CCDC192: variants seen among roughly 807,000 people sequenced by gnomAD.
The protein encoded by CCDC192 is coiled-coil domain-containing protein 192.
intron 2 of CCDC192, among the ~76,000 whole-genome samples, chr5:127,754,041 G>T (rs145049987): frequency 6.6e-6 from 1 of 152,256 alleles, no homozygotes; most frequent in East Asian, 1.9e-4. Flanking sequence ...GCTGTTCATT[G>T]TCATCATTTA....
intron 2 of CCDC192, among the ~76,000 whole-genome samples, chr5:127,750,900 G>T (rs1754116338): frequency 1.3e-5 from 2 of 150,280 alleles, no homozygotes; most frequent in African/African-American, 4.9e-5. Flanking sequence ...ATCTTTGTTG[G>T]TTTAAAGTCT....
At chr5:127,880,391 G>C (rs1451856875) in intron 6 of CCDC192, among the ~76,000 whole-genome samples, 8 of 142,808 alleles carry the variant, frequency 5.6e-5, no homozygotes, top group African/African-American at 2.1e-4. Context: ...TCATAGGTGG[G>C]AATTGAACAA....
At chr5:127,708,589 A>G (rs913147805) in intron 2 of CCDC192, among the ~76,000 whole-genome samples, 1 of 152,202 alleles carries the variant, frequency 6.6e-6, no homozygotes, top group African/African-American at 2.4e-5. Context: ...CTAAGAATCA[A>G]GACTTGGGAT....
At chr5:127,863,070 G>C (rs1561528862) in intron 5 of CCDC192, among the ~76,000 whole-genome samples, 1 of 152,104 alleles carries the variant, frequency 6.6e-6, no homozygotes, top group Non-Finnish European at 1.5e-5. Flanking sequence ...CCCACTTTAA[G>C]GCCTATGTGC....
Position 127,763,659 on chromosome 5 carries a change from C to A in CCDC192, c.222+9284C>A, listed in dbSNP as rs540636742. Among the ~76,000 whole-genome samples the A allele has an allele frequency of 3.3e-5, 5 of 152,302 alleles. No individual in the cohort carries two copies. The East Asian group carries it at 7.7e-4, about 23-fold the overall frequency. Reference sequence around the variant, plus strand: ...TCCGACCACCTGCTTGTTTCTCCAGCTTTACCTTACACCACTCCCTGTATA... The same window carrying A: ...TCCGACCACCTGCTTGTTTCTCCAGATTTACCTTACACCACTCCCTGTATA... On this transcript the variant is annotated intron_variant, in intron 3 of 6. Coordinates refer to ENST00000514853, the MANE Select transcript of CCDC192 (RefSeq NM_001317938.2).
At chr5:127,768,845 C>T (rs548341345) in intron 3 of CCDC192, among the ~76,000 whole-genome samples, 1 of 152,242 alleles carries the variant, frequency 6.6e-6, no homozygotes, top group Non-Finnish European at 1.5e-5. Flanking sequence ...AGATATAGGG[C>T]TTCCTGCCCA....
At chr5:127,725,449 A>G (rs1227863097) in intron 2 of CCDC192, among the ~76,000 whole-genome samples, 1 of 152,222 alleles carries the variant, frequency 6.6e-6, no homozygotes, top group Non-Finnish European at 1.5e-5. Flanking sequence ...TAAACAGGTG[A>G]AATTAAATTT....
At chr5:127,883,465 AC>A (rs1321947798) in intron 6 of CCDC192, among the ~76,000 whole-genome samples, 1 of 152,242 alleles carries the variant, frequency 6.6e-6, no homozygotes, top group Admixed American at 6.5e-5. Context: ...CTCATATTTA[AC>A]TAAAAAGTTA....
intron 6 of CCDC192, among the ~76,000 whole-genome samples, chr5:127,939,261 G>A (rs1375812870): frequency 1.3e-5 from 2 of 151,646 alleles, no homozygotes; most frequent in Non-Finnish European, 2.9e-5. Flanking sequence ...GGGATTACAG[G>A]TGTGCACCAC....
chr5:127,711,659 G>A (rs1359365837), intron 2 of CCDC192, among the ~76,000 whole-genome samples: 4 of 151,968 alleles, frequency 2.6e-5, no homozygotes, highest in Non-Finnish European at 5.9e-5. Context: ...CTTTCAAATC[G>A]TTAATGAATC....
chr5:127,751,840 T>C (rs966837063), intron 2 of CCDC192, among the ~76,000 whole-genome samples: 25 of 152,232 alleles, frequency 1.6e-4, no homozygotes, highest in East Asian at 1.2e-3. Context: ...CTCTAAACTT[T>C]CCTTCTCGCT....
intron 5 of CCDC192, among the ~76,000 whole-genome samples, chr5:127,842,890 A>C (rs1437484343): frequency 6.6e-6 from 1 of 152,176 alleles, no homozygotes; most frequent in Non-Finnish European, 1.5e-5. Flanking sequence ...AACTTCCACT[A>C]TACAGGGCCT....
chr5:127,840,527 G>A (rs1750234715), intron 5 of CCDC192, among the ~76,000 whole-genome samples: 1 of 151,886 alleles, frequency 6.6e-6, no homozygotes, highest in East Asian at 1.9e-4. Flanking sequence ...TGCCTATAAT[G>A]GTATACATAA....
At chr5:127,820,724 T>A (rs1278816138) in intron 5 of CCDC192, among the ~76,000 whole-genome samples, 2 of 152,226 alleles carry the variant, frequency 1.3e-5, no homozygotes, top group Non-Finnish European at 2.9e-5. Context: ...TTTTTTTAAG[T>A]TGATTTTTTG....
At chr5:127,765,986 C>T (rs1755202870) in intron 3 of CCDC192, among the ~76,000 whole-genome samples, 1 of 152,226 alleles carries the variant, frequency 6.6e-6, no homozygotes, top group African/African-American at 2.4e-5. Flanking sequence ...ATTCTTCCTC[C>T]ACTGCCTGTT....
At chr5:127,710,965 A>T (rs1461801620) in intron 2 of CCDC192, among the ~76,000 whole-genome samples, 1 of 152,184 alleles carries the variant, frequency 6.6e-6, no homozygotes, top group African/African-American at 2.4e-5. Flanking sequence ...TTAGAATGTT[A>T]TTTAAACTAT....
intron 5 of CCDC192, among the ~76,000 whole-genome samples, chr5:127,843,957 T>A (rs915406277): frequency 4.6e-5 from 7 of 152,224 alleles, no homozygotes; most frequent in Admixed American, 1.3e-4. Flanking sequence ...TATTAGCACA[T>A]TAGAAAGGTG....
chr5:127,891,759 A>G (rs1210004486), intron 6 of CCDC192, among the ~76,000 whole-genome samples: 3 of 152,150 alleles, frequency 2.0e-5, no homozygotes, highest in African/African-American at 4.8e-5. Flanking sequence ...TCCACACACT[A>G]TCTTCACTTC....
chr5:127,759,956 A>C (rs1754820689), intron 3 of CCDC192, among the ~76,000 whole-genome samples: 1 of 151,998 alleles, frequency 6.6e-6, no homozygotes, highest in Admixed American at 6.6e-5. Flanking sequence ...TTTTGTACAG[A>C]CTGGGAGCTG....
Sources: allele counts gnomAD v4.1 joint callset (sites outside exome capture counted in the v4.1 genomes callset), GRCh38; gene constraint gnomAD v4.1.1; transcripts MANE v1.5; gene names NCBI Gene and HGNC (gene_info 2026-07-23, HGNC 2026-07-21).